The following DMD variants were observed in gnomAD, a reference collection of about 807,000 sequenced individuals.
The protein encoded by DMD is dystrophin.
A neutral mutation model predicts 330.1 loss-of-function variants in DMD; 63 were observed. That is an observed-to-expected ratio of 0.19 (90% CI 0.16 to 0.24). The LOEUF is 0.24. DMD is among the 10% of genes least tolerant of loss of function. The pLI is 1.00. For synonymous variants in DMD, 1,223 were observed against 959.8 expected (o/e 1.27, Z -5.07); for missense variants, 3,344 against 2,684.1 (o/e 1.25, Z -5.43).
intron 7 of DMD, among the ~76,000 whole-genome samples, chrX:32,774,195 A>C: frequency 8.9e-6 from 1 of 112,079 alleles, no homozygotes; most frequent in Admixed American, 9.5e-5. Context: ...AATTTTACTA[A>C]AAATAAGTTA....
chrX:31,328,936 G>A (rs1380548804), intron 61 of DMD, among the ~76,000 whole-genome samples: 3 of 112,149 alleles, frequency 2.7e-5, no homozygotes, highest in Non-Finnish European at 5.6e-5. Context: ...GTATGGCAGA[G>A]AGAAATGCCT....
chrX:33,266,274 G>C (rs1007581079), intron 1 of DMD, among the ~76,000 whole-genome samples: 3 of 111,799 alleles, frequency 2.7e-5, no homozygotes, highest in African/African-American at 9.7e-5. Context: ...AAAAAGTAAA[G>C]AGTCTTACAA....
chrX:32,389,448 C>A lies in DMD; in HGVS notation c.4518+53G>T. 2.6e-6 allele frequency: 3 copies of A among 1,137,246 alleles called. No individual in the cohort carries two copies. The South Asian group carries it at 5.4e-5, about 21-fold the overall frequency. 93.7% of individuals were successfully genotyped at this position (1,137,246 alleles called of 1,213,427 possible). On this transcript the variant is annotated intron_variant, in intron 32 of 78. Coordinates refer to ENST00000357033, the MANE Select transcript of DMD (RefSeq NM_004006.3). ...CTCTCTTATAAAAGAGCAGTTACTT[C>A]TTAATGAGGAAAGTCAAGGGGTACC...
chrX:31,625,855 T>C (rs781309835), intron 55 of DMD, among the ~76,000 whole-genome samples: 1 of 112,118 alleles, frequency 8.9e-6, no homozygotes, highest in Non-Finnish European at 1.9e-5. Flanking sequence ...ATAAAATAAT[T>C]TTTTAGTCAT....
At position 32,477,190 on chromosome X, in the gene DMD, C is replaced by A. The variant is rs187905699; in HGVS notation, c.2804-4881G>T. Among the ~76,000 whole-genome samples, 476 of 110,074 alleles carry A rather than the reference C, an allele frequency of 4.3e-3. 1 individual carries two copies. The highest frequency in any genetic ancestry group is 0.015 in the African/African-American group (447 of 30,397). On this transcript the variant is annotated intron_variant, in intron 21 of 78. Coordinates refer to ENST00000357033, the MANE Select transcript of DMD (RefSeq NM_004006.3). ...GGTTTTATTAGTGAAATATATTCAA[C>A]AAAATGAAAATCAATATAAGTGATT...
At chrX:33,301,707 CCCAT>C (rs1372768846) in intron 1 of DMD, among the ~76,000 whole-genome samples, 3 of 111,366 alleles carry the variant, frequency 2.7e-5, no homozygotes, top group Non-Finnish European at 5.7e-5. Flanking sequence ...GCTGTGTCCT[CCCAT>C]AGTGGAAGTG....
chrX:31,361,309 C>A (rs2058925419), intron 60 of DMD, among the ~76,000 whole-genome samples: 1 of 111,444 alleles, frequency 9.0e-6, no homozygotes, highest in African/African-American at 3.3e-5. Context: ...ATCAATGATT[C>A]CACCAGCATT....
intron 1 of DMD, among the ~76,000 whole-genome samples, chrX:33,188,256 C>T (rs1351984770): frequency 1.8e-5 from 2 of 110,431 alleles, no homozygotes; most frequent in African/African-American, 3.3e-5. Context: ...CTCTCTCTCT[C>T]TGTCTCTCTC....
At chrX:31,322,933 C>T (rs963745478) in intron 62 of DMD, among the ~76,000 whole-genome samples, 1 of 111,456 alleles carries the variant, frequency 9.0e-6, no homozygotes, top group South Asian at 3.8e-4. Context: ...GTGAAGGTAT[C>T]GTAATCACTC....
chrX:31,149,155 T>C (rs1333695896), intron 74 of DMD, among the ~76,000 whole-genome samples: 1 of 112,439 alleles, frequency 8.9e-6, no homozygotes, highest in Non-Finnish European at 1.9e-5. Context: ...GCCGTGAACA[T>C]GCGATCTAAT....
chrX:31,996,960 ATT>A (rs1260469329), intron 44 of DMD, among the ~76,000 whole-genome samples: 2 of 111,607 alleles, frequency 1.8e-5, no homozygotes, highest in Non-Finnish European at 3.8e-5. Context: ...AATATTAATC[ATT>A]TATAACGTGT....
At chrX:32,070,687 G>GGA (rs2030678320) in intron 44 of DMD, among the ~76,000 whole-genome samples, 1 of 111,141 alleles carries the variant, frequency 9.0e-6, no homozygotes, top group African/African-American at 3.3e-5. Flanking sequence ...GGATGCGATT[G>GGA]GAGACTATCA....
intron 2 of DMD, among the ~76,000 whole-genome samples, chrX:32,868,178 G>A (rs1321824864): frequency 1.1e-4 from 12 of 111,976 alleles, no homozygotes; most frequent in Non-Finnish European, 2.3e-4. Flanking sequence ...GTCCTACCCT[G>A]CCTGGGAAAT....
At chrX:32,565,660 A>C in intron 16 of DMD, 42 bp downstream of exon 16, 2 of 1,173,117 alleles carry the variant, frequency 1.7e-6, no homozygotes, top group Non-Finnish European at 1.2e-6. Flanking sequence ...GGTTTAAAAA[A>C]TCTCTGAGAT....
At chrX:32,355,695 T>C (rs1423527427) in intron 37 of DMD, among the ~76,000 whole-genome samples, 2 of 111,443 alleles carry the variant, frequency 1.8e-5, no homozygotes, top group Non-Finnish European at 3.8e-5. Context: ...GTTGTTAGGT[T>C]CATATTTTTC....
Position 33,041,626 on chromosome X carries a change from C to A in DMD, c.32-21426G>T, listed in dbSNP as rs745495851. On this transcript the variant is annotated intron_variant, in intron 1 of 78. Coordinates refer to ENST00000357033, the MANE Select transcript of DMD (RefSeq NM_004006.3). ...CAGGTTGGAAGCCGCATATTTGGATCTTCAACAGATATTAGAAAGTGAAAA... is the reference window on the plus strand; with the variant it reads ...CAGGTTGGAAGCCGCATATTTGGATATTCAACAGATATTAGAAAGTGAAAA... The A allele has an allele frequency of 2.8e-4, 344 of 1,207,437 alleles. No individual in the cohort carries two copies. In the African/African-American group the frequency reaches 3.7e-3, roughly 13 times the overall value.
Position 32,589,368 on chromosome X carries a change from C to T in DMD, c.1602+6389G>A, listed in dbSNP as rs999632700. Among the ~76,000 whole-genome samples, 83 of 110,546 alleles carry T rather than the reference C, an allele frequency of 7.5e-4. 1 individual carries two copies. The highest frequency in any genetic ancestry group is 4.7e-3 in the Middle Eastern group (1 of 211). Reference sequence around the variant, plus strand: ...TGCATTAACTAAGAATCTGTATCATCCTTAATATCAAGCTTGTTTCAAAGT... The same window carrying T: ...TGCATTAACTAAGAATCTGTATCATTCTTAATATCAAGCTTGTTTCAAAGT... On this transcript the variant is annotated intron_variant, in intron 13 of 78. Transcript: ENST00000357033.
intron 44 of DMD, among the ~76,000 whole-genome samples, chrX:32,199,665 G>A (rs960718631): frequency 1.8e-5 from 2 of 108,927 alleles, no homozygotes; most frequent in Non-Finnish European, 3.8e-5. Flanking sequence ...CCAGGTCGGA[G>A]TGCAGTGGTG....
chrX:32,389,519 T>G lies in DMD; in HGVS notation c.4500A>C (p.Ser1500=). The change falls in exon 32 of 79, where the codon TCA becomes TCC. Residue 1500 remains serine (S), a synonymous_variant. Coordinates refer to ENST00000357033, the MANE Select transcript of DMD (RefSeq NM_004006.3). Reference sequence around the variant, plus strand: ...TACATACCACACAATGATTTAGCTGTGACTGTACTACTTCCTGTTCCACAC... The same window carrying G: ...TACATACCACACAATGATTTAGCTGGGACTGTACTACTTCCTGTTCCACAC... ...TKSVEQEVVQ[S]QLNHCVNLYK... 1 of 1,211,416 alleles carries G rather than the reference T, an allele frequency of 8.3e-7. No individual in the cohort carries two copies. The highest frequency in any genetic ancestry group is 1.8e-5 in the South Asian group (1 of 57,027).
Sources: gnomAD v4.1 joint callset for allele counts (sites outside exome capture counted in the v4.1 genomes callset) on GRCh38, gnomAD v4.1.1 for gene constraint, MANE v1.5 for transcripts, NCBI Gene and HGNC (gene_info 2026-07-23, HGNC 2026-07-21) for gene names.